The following ITGA1 variants were observed in gnomAD, a reference collection of about 807,000 sequenced individuals.
ITGA1 encodes the protein integrin subunit alpha 1.
ITGA1 carries 85 observed loss-of-function variants against 145.9 expected under a neutral mutation model. The ratio of observed to expected loss-of-function variants is 0.58; its 90% CI spans 0.49 to 0.70. ITGA1 has a LOEUF of 0.70. ITGA1 is among the 30% of genes least tolerant of loss of function. ITGA1 has a pLI of 0.00. For missense variants in ITGA1, 1,351 were observed against 1,418.7 expected (o/e 0.95, Z 0.77); for synonymous variants, 520 against 495.3 (o/e 1.05, Z -0.66).
At position 52,821,994 on chromosome 5, in the gene ITGA1, A is replaced by G. The variant is rs142456341; in HGVS notation, c.62-27371A>G. On this transcript the variant is annotated intron_variant, in intron 1 of 28. Transcript: ENST00000282588. ...TTTAGGAATGAATATATCACATTAT[A>G]ATAGAAATATCTGTTTTCTTGCAAC... 5.9e-5 allele frequency among the ~76,000 whole-genome samples: 9 copies of G among 152,336 alleles called. No homozygotes were observed. The East Asian group carries it at 1.7e-3, about 29-fold the overall frequency.
intron 6 of ITGA1, among the ~76,000 whole-genome samples, chr5:52,868,464 G>A (rs1236509837): frequency 6.6e-6 from 1 of 152,162 alleles, no homozygotes; most frequent in Non-Finnish European, 1.5e-5. Context: ...ATGTTTTTCA[G>A]TTAGAACTAT....
intron 1 of ITGA1, among the ~76,000 whole-genome samples, chr5:52,816,896 T>C (rs1050308431): frequency 2.0e-5 from 3 of 152,048 alleles, no homozygotes; most frequent in Non-Finnish European, 4.4e-5. Flanking sequence ...CTACAACAGG[T>C]GGGGGTTTTC....
intron 1 of ITGA1, chr5:52,803,055 G>A (rs1257959509): frequency 1.3e-5 from 2 of 152,208 alleles, no homozygotes; most frequent in African/African-American, 4.8e-5. Flanking sequence ...ATCTAATAGT[G>A]ATGATACAGT....
At chr5:52,933,778 T>A in intron 22 of ITGA1, 116 bp from the exon 23 acceptor site, 1 of 423,052 alleles carries the variant, frequency 2.4e-6, no homozygotes, top group Admixed American at 4.3e-5. Flanking sequence ...CCCCTATGAT[T>A]TGAAATCCCT....
chr5:52,835,947 G>A (rs1321251905), intron 1 of ITGA1, among the ~76,000 whole-genome samples: 5 of 152,088 alleles, frequency 3.3e-5, no homozygotes, highest in Admixed American at 6.6e-5. Context: ...GAACTTTGCC[G>A]ATAATTGTAG....
intron 1 of ITGA1, among the ~76,000 whole-genome samples, chr5:52,822,315 T>G (rs1748891559): frequency 6.6e-6 from 1 of 152,212 alleles, no homozygotes; most frequent in Non-Finnish European, 1.5e-5. Flanking sequence ...TTAGTTACTC[T>G]ATTCAAATAA....
intron 11 of ITGA1, among the ~76,000 whole-genome samples, chr5:52,899,702 G>C (rs145364318): frequency 6.6e-6 from 1 of 152,320 alleles, no homozygotes; most frequent in East Asian, 1.9e-4. Context: ...TTGAAGGTTA[G>C]AAAACAAAGT....
intron 3 of ITGA1, 77 bp downstream of exon 3, chr5:52,861,636 C>T (rs1295165707): frequency 7.2e-6 from 6 of 828,618 alleles, no homozygotes; most frequent in African/African-American, 1.7e-5. Flanking sequence ...TTTAAGAGGT[C>T]AAGACAGGCA....
intron 26 of ITGA1, among the ~76,000 whole-genome samples, chr5:52,940,920 C>A (rs949025206): frequency 6.6e-6 from 1 of 152,024 alleles, no homozygotes; most frequent in Non-Finnish European, 1.5e-5. Flanking sequence ...GCATAATACC[C>A]AATAGGTAGT....
chr5:52,948,658 T>G (rs1751170782), intron 28 of ITGA1, among the ~76,000 whole-genome samples: 1 of 152,244 alleles, frequency 6.6e-6, no homozygotes, highest in Non-Finnish European at 1.5e-5. Context: ...GTGTTCTCTC[T>G]GTAATACCTA....
intron 1 of ITGA1, among the ~76,000 whole-genome samples, chr5:52,819,824 A>T (rs1273499128): frequency 6.6e-6 from 1 of 151,976 alleles, no homozygotes; most frequent in Non-Finnish European, 1.5e-5. Context: ...TAATTTTTGT[A>T]TAAGGTGTAA....
Position 52,929,663 on chromosome 5 carries a change from T to C in ITGA1, c.2733T>C (p.Tyr911=). 6.3e-7 allele frequency: 1 copy of C among 1,592,516 alleles called. No homozygotes were observed. Among genetic ancestry groups the C allele is most frequent in the Admixed American group, 1.7e-5 (1 of 58,824 alleles). Residue 911 remains tyrosine (Y), a synonymous_variant, in exon 21 of 29, where the codon TAT becomes TAC. Coordinates refer to ENST00000282588, the MANE Select transcript of ITGA1 (RefSeq NM_181501.2). ...FKILFQFNTS[Y]LMENVTIYLS... ...TATTGTTTCAGTTTAACACATCCTATCTCATGGAAAATGTGACCATTTATT... is the reference window on the plus strand; with the variant it reads ...TATTGTTTCAGTTTAACACATCCTACCTCATGGAAAATGTGACCATTTATT...
chr5:52,844,415 G>A (rs1487919377), intron 1 of ITGA1, among the ~76,000 whole-genome samples: 2 of 152,104 alleles, frequency 1.3e-5, no homozygotes, highest in Admixed American at 1.3e-4. Flanking sequence ...ATATCACTTT[G>A]TACTAGCCCT....
chr5:52,806,408 A>G (rs1340362435), intron 1 of ITGA1, among the ~76,000 whole-genome samples: 2 of 152,070 alleles, frequency 1.3e-5, no homozygotes, highest in Non-Finnish European at 2.9e-5. Flanking sequence ...GTTGCTAAAT[A>G]TGGTCATCAA....
chr5:52,911,014 A>ATATATAGTAT (rs1750508936), intron 14 of ITGA1, among the ~76,000 whole-genome samples: 1 of 115,930 alleles, frequency 8.6e-6, no homozygotes, highest in African/African-American at 3.3e-5. Flanking sequence ...TACTGTATAT[A>ATATATAGTAT]CTATATATAG....
chr5:52,806,182 T>G (rs1365363002), intron 1 of ITGA1, among the ~76,000 whole-genome samples: 2 of 150,328 alleles, frequency 1.3e-5, no homozygotes, highest in South Asian at 2.1e-4. Context: ...ATTATATGTA[T>G]CTCTCATGAA....
chr5:52,817,845 A>G (rs1748802824), intron 1 of ITGA1, among the ~76,000 whole-genome samples: 1 of 152,240 alleles, frequency 6.6e-6, no homozygotes, highest in South Asian at 2.1e-4. Context: ...AATTTAGAGC[A>G]TGAGCAGACA....
intron 1 of ITGA1, among the ~76,000 whole-genome samples, chr5:52,836,871 G>C (rs1308652827): frequency 1.3e-5 from 2 of 151,988 alleles, no homozygotes; most frequent in Non-Finnish European, 2.9e-5. Context: ...GAAGTATCCT[G>C]TTACTACGTC....
At chr5:52,843,541 G>A (rs1749288270) in intron 1 of ITGA1, among the ~76,000 whole-genome samples, 1 of 152,038 alleles carries the variant, frequency 6.6e-6, no homozygotes, top group Non-Finnish European at 1.5e-5. Flanking sequence ...ATACTCCTTG[G>A]AACTCAAGGA....
Sources: gnomAD v4.1 joint callset for allele counts (sites outside exome capture counted in the v4.1 genomes callset) on GRCh38, gnomAD v4.1.1 for gene constraint, MANE v1.5 for transcripts, NCBI Gene and HGNC (gene_info 2026-07-23, HGNC 2026-07-21) for gene names.